WDR86: variants seen among roughly 807,000 people sequenced by gnomAD.
WDR86 encodes WD repeat domain 86, also known as WD repeat-containing protein 86.
In WDR86, 30 loss-of-function variants were observed where a neutral mutation model predicts 36.5. That is an observed-to-expected ratio of 0.82 (90% CI 0.61 to 1.11). The LOEUF (loss-of-function observed/expected upper bound fraction) is 1.11, where lower values mean the gene tolerates loss of function less well. Ranked by LOEUF, WDR86 falls within the 50% of genes most tolerant of loss-of-function variation. WDR86 has a pLI of 0.00. For synonymous variants in WDR86, 255 were observed against 252.9 expected (o/e 1.01, Z -0.08); for missense variants, 545 against 561.2 (o/e 0.97, Z 0.29).
chr7:151,384,996 G>C (rs1392990593), intron 4 of WDR86, 92 bp downstream of exon 4: 12 of 1,367,938 alleles, frequency 8.8e-6, no homozygotes, highest in Non-Finnish European at 1.2e-5. Context: ...GGCAGCCAAG[G>C]CTCAATGAGG....
downstream of WDR86, among the ~76,000 whole-genome samples, chr7:151,379,407 A>G (rs1279649481): frequency 2.0e-5 from 3 of 152,018 alleles, no homozygotes; most frequent in African/African-American, 7.3e-5. Context: ...CATATGTCCT[A>G]TGGGTAGCTC....
Position 151,395,759 on chromosome 7 carries a change from G to A in WDR86, c.726+17C>T, listed in dbSNP as rs1278323115. 2 of 1,541,386 alleles carry A rather than the reference G, an allele frequency of 1.3e-6. No individual in the cohort carries two copies. Among genetic ancestry groups the A allele is most frequent in the African/African-American group, 2.7e-5 (2 of 72,952 alleles). On this transcript the variant is annotated intron_variant, in intron 3 of 5. Transcript: ENST00000334493. ...TGGGCTCCCCTGGCTGCTGGGCGGG[G>A]ACCAGGACAGTCTCACCTCCAGACA...
Position 151,381,660 on chromosome 7 carries a change from G to A in WDR86, c.1053C>T (p.Pro351=). The change falls in exon 6 of 6, where the codon CCC becomes CCT. Residue 351 remains proline, a synonymous_variant. Transcript: ENST00000334493. This position sits in a 1 kb window ranked among gnomAD's most constrained non-coding sequence, Gnocchi z 4.8. ...DVRGLRGAPR[P]PPPMRSLSRL... ...GCGAGAGGCTGCGCATGGGCGGAGG[G>A]GGCCGCGGGGCACCTCGGAGCCCGC... The A allele has an allele frequency of 1.4e-6, 2 of 1,405,504 alleles. No homozygotes were observed. Among genetic ancestry groups the A allele is most frequent in the African/African-American group, 1.5e-5 (1 of 65,532 alleles). 87.1% of individuals were successfully genotyped at this position (1,405,504 alleles called of 1,614,324 possible). A position where few individuals can be genotyped will look rare whatever the true frequency, so the allele number is the denominator to read the frequency against.
intron 4 of WDR86, among the ~76,000 whole-genome samples, chr7:151,382,750 T>C (rs1798691888): frequency 6.6e-6 from 1 of 152,136 alleles, no homozygotes; most frequent in South Asian, 2.1e-4. Context: ...TAGGACTTGA[T>C]GCAGACAGTT....
intron 2 of WDR86, among the ~76,000 whole-genome samples, chr7:151,397,063 G>A (rs1382191873): frequency 6.6e-6 from 1 of 152,234 alleles, no homozygotes; most frequent in East Asian, 1.9e-4. Flanking sequence ...ACCTCAGAAG[G>A]TCTGAGCACA....
Position 151,405,885 on chromosome 7 carries a change from G to A in WDR86, c.163+3542C>T, listed in dbSNP as rs2150871165. Among the ~76,000 whole-genome samples, 1 of 152,292 alleles carries A rather than the reference G, an allele frequency of 6.6e-6. No individual in the cohort carries two copies. Among genetic ancestry groups the A allele is most frequent in the African/African-American group, 2.4e-5 (1 of 41,554 alleles). On this transcript the variant is annotated intron_variant, in intron 1 of 5. Coordinates refer to ENST00000334493, the MANE Select transcript of WDR86 (RefSeq NM_198285.3). This position sits in a 1 kb window ranked among gnomAD's most constrained non-coding sequence, Gnocchi z 4.7. ...TGTTAGAAGACGAGGAAGCGTGTGG[G>A]ACAGCCACAGTGGGCTGCCACCTTC...
At chr7:151,397,610 T>TGCGGGAGAAAGAGGGTGTA (rs1563058902) in intron 2 of WDR86, among the ~76,000 whole-genome samples, 4 of 80,870 alleles carry the variant, frequency 4.9e-5, no homozygotes, top group African/African-American at 1.8e-4. Context: ...TGCTGCAAAG[T>TGCGGGAGAAAGAGGGTGTA]GCGGGAGGAA....
intron 2 of WDR86, 30 bp from the exon 3 acceptor site, chr7:151,396,226 C>A: frequency 6.2e-7 from 1 of 1,612,152 alleles, no homozygotes; most frequent in South Asian, 1.1e-5. Flanking sequence ...GGTCAGGGAT[C>A]AGAAGGCACG....
At chr7:151,379,626 T>G (rs1798462215), downstream of WDR86, among the ~76,000 whole-genome samples, 1 of 152,134 alleles carries the variant, frequency 6.6e-6, no homozygotes, top group South Asian at 2.1e-4. Flanking sequence ...GTCCTCAACA[T>G]CTCGCAAAGC....
At chr7:151,408,765 G>T in intron 1 of WDR86, 1 of 400,226 alleles carries the variant, frequency 2.5e-6, no homozygotes. Flanking sequence ...GAGGCACACT[G>T]ACCTCCTGAG....
At chr7:151,397,148 G>C (rs994760184) in intron 2 of WDR86, among the ~76,000 whole-genome samples, 2 of 152,228 alleles carry the variant, frequency 1.3e-5, no homozygotes, top group African/African-American at 4.8e-5. Flanking sequence ...ACTGTAACAA[G>C]GTGCATCCCT....
chr7:151,378,197 G>C (rs1798397699), downstream of WDR86: 1 of 152,220 alleles, frequency 6.6e-6, no homozygotes, highest in Non-Finnish European at 1.5e-5. Flanking sequence ...TGTGCCCAGT[G>C]GGAGTTCCTT....
At chr7:151,382,031 C>A in intron 4 of WDR86, 50 bp from the exon 5 acceptor site, 1 of 1,525,280 alleles carries the variant, frequency 6.6e-7, no homozygotes, top group Non-Finnish European at 8.9e-7. Context: ...CGGCCCCCCG[C>A]AAGCAGGGAT....
In WDR86 at chr7:151,375,968, C is replaced by A. The variant is rs376361966; in HGVS notation, n.1322G>T. 9.5e-6 allele frequency: 14 copies of A among 1,471,024 alleles called. No homozygotes were observed. The Admixed American group carries it at 2.2e-4, about 23-fold the overall frequency. The allele number at this position is 1,471,024 out of a possible 1,614,324, so 91.1% of individuals were successfully genotyped here. On this transcript the variant is annotated non_coding_transcript_exon_variant, in exon 2 of 2. Transcript: ENST00000463000. ...AGTGAGTGACAGGCCTTTGTGCCCT[C>A]AGCTTGGACAGCCTCGGGTGGGGTT...
chr7:151,385,251 A>C (rs1386064042), intron 3 of WDR86, 28 bp from the exon 4 acceptor site: 2 of 1,607,192 alleles, frequency 1.2e-6, no homozygotes, highest in Admixed American at 1.7e-5. Flanking sequence ...GAAGGTCGGC[A>C]GCTGGGGCAG....
At position 151,381,656 on chromosome 7, in the gene WDR86, GA is replaced by G. The variant is rs1346907940; in HGVS notation, c.1056del (p.Pro353ArgfsTer99). The G allele has an allele frequency of 3.6e-6, 5 of 1,400,682 alleles. No homozygotes were observed. In the East Asian group the frequency reaches 1.2e-4, roughly 33 times the overall value. The allele number at this position is 1,400,682 out of a possible 1,614,324, so 86.8% of individuals were successfully genotyped here. A position where few individuals can be genotyped will look rare whatever the true frequency, so the allele number is the denominator to read the frequency against. ...VRGLRGAPRP[P>X]PPMRSLSRLF... ...AGCCGCGAGAGGCTGCGCATGGGCG[GA>G]GGGGGCCGCGGGGCACCTCGGAGCC... On this transcript the variant is annotated frameshift_variant, in exon 6 of 6. Transcript: ENST00000334493. LOFTEE classifies it high-confidence loss of function. The surrounding 1 kb of genome is among the most constrained non-coding windows in gnomAD (Gnocchi z 4.8).
At chr7:151,396,243 A>C (rs746151848) in intron 2 of WDR86, 47 bp from the exon 3 acceptor site, 1 of 1,604,086 alleles carries the variant, frequency 6.2e-7, no homozygotes, top group Non-Finnish European at 8.5e-7. Flanking sequence ...CACGGGTTCC[A>C]GAATCCACAC....
At chr7:151,396,854 C>T (rs564051951) in intron 2 of WDR86, among the ~76,000 whole-genome samples, 43 of 152,374 alleles carry the variant, frequency 2.8e-4, no homozygotes, top group African/African-American at 1.0e-3. Flanking sequence ...ACTGAGGTCA[C>T]AGCCTCAACA....
chr7:151,373,985 C>G (rs1798083847), downstream of WDR86: 2 of 1,233,108 alleles, frequency 1.6e-6, no homozygotes, highest in African/African-American at 1.5e-5. Flanking sequence ...CTGTGCTTTG[C>G]TTTGGTTTTT....
Sources: allele counts gnomAD v4.1 joint callset (sites outside exome capture counted in the v4.1 genomes callset), GRCh38; gene constraint gnomAD v4.1.1; non-coding constraint Gnocchi (gnomAD v3.1); transcripts MANE v1.5; gene names NCBI Gene and HGNC (gene_info 2026-07-23, HGNC 2026-07-21).